ITPRIP: variants seen among roughly 807,000 people sequenced by gnomAD.
ITPRIP encodes inositol 1,4,5-trisphosphate receptor interacting protein.
Under a neutral mutation model 35.8 loss-of-function variants are expected in ITPRIP, and 32 were observed. The observed-to-expected ratio is 0.89, with a 90% CI of 0.68 to 1.20. The LOEUF is 1.20. ITPRIP is among the 50% of genes most tolerant of loss of function. The probability of loss-of-function intolerance (pLI) is 0.00; values close to 1 mark genes in which losing one functional copy is unlikely to be tolerated. For synonymous variants in ITPRIP, 358 were observed against 324.0 expected, an observed-to-expected ratio of 1.11 and a Z score of -1.13; for missense variants, 653 against 735.6, an observed-to-expected ratio of 0.89 and a Z score of 1.30.
intron 1 of ITPRIP, among the ~76,000 whole-genome samples, chr10:104,336,593 C>T (rs1014769636): frequency 1.7e-5 from 1 of 58,382 alleles, no homozygotes; most frequent in Non-Finnish European, 3.1e-5. Flanking sequence ...TAGCTCCAAC[C>T]AAGTGATCCC....
At chr10:104,325,796 T>C (rs111568186) in intron 1 of ITPRIP, among the ~76,000 whole-genome samples, 9 of 152,182 alleles carry the variant, frequency 5.9e-5, no homozygotes, top group African/African-American at 2.2e-4. Context: ...AAGAAGCGCT[T>C]GGTATTAGAG....
chr10:104,310,937 C>G lies in ITPRIP; in HGVS notation c.*3471G>C, dbSNP rs900767775. ...TCTGTGACACGGCCCAGGAAGCTGC[C>G]CCCAGGTGACACCCGTATGTGTAGT... On this transcript the variant is annotated 3_prime_UTR_variant, in exon 2 of 2. Coordinates refer to ENST00000337478, the MANE Select transcript of ITPRIP (RefSeq NM_001272013.2). The G allele has an allele frequency of 2.0e-5, 3 of 152,202 alleles. No individual in the cohort carries two copies. In the South Asian group the frequency reaches 6.2e-4, roughly 32 times the overall value. 9.4% of individuals were successfully genotyped at this position (152,202 alleles called of 1,614,324 possible).
In ITPRIP at chr10:104,314,441, A is replaced by C; in HGVS notation, c.1611T>G (p.His537Gln). ...APALISEYSL[H>Q]VPSDQPTPKS ...TTGGGGTAGGCTGGTCTGAGGGGAC[A>C]TGTAGGGAATACTCGCTAATGAGCG... The change falls in exon 2 of 2, where the codon CAT becomes CAG. Residue 537 changes from histidine (H) to glutamine (Q), a missense_variant. His to Gln is a conservative substitution (Grantham distance 24, BLOSUM62 0). Coordinates refer to ENST00000337478, the MANE Select transcript of ITPRIP (RefSeq NM_001272013.2). The C allele has an allele frequency of 6.2e-7, 1 of 1,613,682 alleles. No homozygotes were observed. The highest frequency in any genetic ancestry group is 8.5e-7 in the Non-Finnish European group (1 of 1,179,810).
In ITPRIP at chr10:104,313,743, A is replaced by C. The variant is rs1004525588; in HGVS notation, c.*665T>G. 1 of 985,370 alleles carries C rather than the reference A, an allele frequency of 1.0e-6. No individual in the cohort carries two copies. The highest frequency in any genetic ancestry group is 1.7e-5 in the African/African-American group (1 of 57,232). 61.0% of individuals were successfully genotyped at this position (985,370 alleles called of 1,614,324 possible). ...AGCTGAGTGAGAAGTGTAGCTGAAA[A>C]AGTGGCTAATTGTGTTTCTCTATGC... On this transcript the variant is annotated 3_prime_UTR_variant, in exon 2 of 2. Transcript: ENST00000337478.
intron 1 of ITPRIP, among the ~76,000 whole-genome samples, chr10:104,335,607 C>A (rs979607483): frequency 6.6e-6 from 1 of 152,222 alleles, no homozygotes; most frequent in Non-Finnish European, 1.5e-5. Context: ...TGCCTCTTTT[C>A]TTTCCTCCTC....
intron 1 of ITPRIP, 43 bp from the exon 2 acceptor site, chr10:104,316,107 T>TGCCACTTCG (rs2013679551): frequency 6.8e-7 from 1 of 1,466,032 alleles, no homozygotes; most frequent in South Asian, 1.3e-5. Flanking sequence ...CTTCCCTCAA[T>TGCCACTTCG]GCCACTTCGT....
rs183243385 is a variant in ITPRIP at position 104,314,260 on chromosome 10, C to A, written c.*148G>T. Reference sequence around the variant, plus strand: ...CCGTTGAAATTCTGTTTCCTCTGCACTGTAGGGCTTGGCTTCCTGGCAGGC... The same window carrying A: ...CCGTTGAAATTCTGTTTCCTCTGCAATGTAGGGCTTGGCTTCCTGGCAGGC... On this transcript the variant is annotated 3_prime_UTR_variant, in exon 2 of 2. Coordinates refer to ENST00000337478, the MANE Select transcript of ITPRIP (RefSeq NM_001272013.2). 3.4e-4 allele frequency: 502 copies of A among 1,485,444 alleles called. 3 individuals carry two copies. In the African/African-American group the frequency reaches 5.9e-3, roughly 18 times the overall value. The allele number at this position is 1,485,444 out of a possible 1,614,324, so 92.0% of individuals were successfully genotyped here.
At chr10:104,334,134 G>A (rs1233974227) in intron 1 of ITPRIP, among the ~76,000 whole-genome samples, 4 of 152,332 alleles carry the variant, frequency 2.6e-5, no homozygotes, top group East Asian at 1.9e-4. Context: ...CAGTCACACC[G>A]CCTTGGCTCT....
rs762207257 is a variant in ITPRIP, at chr10:104,315,251, C to T, written c.801G>A (p.Leu267=). 5 of 1,611,050 alleles carry T rather than the reference C, an allele frequency of 3.1e-6. No homozygotes were observed. Among genetic ancestry groups the T allele is most frequent in the East Asian group, 2.2e-5 (1 of 44,816 alleles). Residue 267 remains leucine, a synonymous_variant, in exon 2 of 2, where the codon CTG becomes CTA. Coordinates refer to ENST00000337478, the MANE Select transcript of ITPRIP (RefSeq NM_001272013.2). The surrounding 1 kb of genome is among the most constrained non-coding windows in gnomAD (Gnocchi z 5.7). The stretch of plus-strand genomic sequence containing the variant: ...TGCTGTTCCTGCCGTGCAGGAGACA[C>T]AGCATGTCTTCCCCGAGCTTGGTCT... The part of the protein sequence containing the change: ...CGKTKLGEDM[L]CLLHGRNSMA...
chr10:104,314,904 G>A lies in ITPRIP; in HGVS notation c.1148C>T (p.Ser383Phe), dbSNP rs769638882. Reference sequence around the variant, plus strand: ...GAAGTGTCGCTCATAGACAGCAAAGGACAGGAGCCAGTCTGTGCTGGAGGC... The same window carrying A: ...GAAGTGTCGCTCATAGACAGCAAAGAACAGGAGCCAGTCTGTGCTGGAGGC... ...TPASSTDWLL[S>F]FAVYERHFLR... Residue 383 changes from serine to phenylalanine, a missense_variant, in exon 2 of 2, where the codon TCC (serine) becomes TTC (phenylalanine). Coordinates refer to ENST00000337478, the MANE Select transcript of ITPRIP (RefSeq NM_001272013.2). 3.1e-6 allele frequency: 5 copies of A among 1,613,572 alleles called. No homozygotes were observed. The highest frequency in any genetic ancestry group is 4.2e-6 in the Non-Finnish European group (5 of 1,180,028).
rs927889680 is a variant in ITPRIP at position 104,310,712 on chromosome 10, C to G, written c.*3696G>C. On this transcript the variant is annotated 3_prime_UTR_variant, in exon 2 of 2. Transcript: ENST00000337478. ...CCTGCCATACAGTAGGTGCTTCCCA[C>G]CCTCACTCCATGCTTCTGGCTGGAA... The G allele has an allele frequency of 1.6e-4, 24 of 152,238 alleles. No homozygotes were observed. The highest frequency in any genetic ancestry group is 5.5e-4 in the African/African-American group (23 of 41,448). The allele number at this position is 152,238 out of a possible 1,614,324, so 9.4% of individuals were successfully genotyped here.
Position 104,313,181 on chromosome 10 carries a change from C to T in ITPRIP, c.*1227G>A. ...GCTAGGTTTCCATAGTTCTTGCTTC[C>T]ATGCACACCCTGCCCTAGGATTGGG... On this transcript the variant is annotated 3_prime_UTR_variant, in exon 2 of 2. Coordinates refer to ENST00000337478, the MANE Select transcript of ITPRIP (RefSeq NM_001272013.2). The T allele has an allele frequency of 6.1e-6, 6 of 985,582 alleles. No homozygotes were observed. The highest frequency in any genetic ancestry group is 7.2e-6 in the Non-Finnish European group (6 of 830,076). 61.1% of individuals were successfully genotyped at this position (985,582 alleles called of 1,614,324 possible).
At chr10:104,322,794 G>A (rs1310623931) in intron 1 of ITPRIP, among the ~76,000 whole-genome samples, 2 of 152,224 alleles carry the variant, frequency 1.3e-5, no homozygotes, top group Non-Finnish European at 2.9e-5. Flanking sequence ...TGGAATAAAG[G>A]ACTGGCTGAG....
chr10:104,325,160 C>T (rs532207893), intron 1 of ITPRIP, among the ~76,000 whole-genome samples: 2 of 152,300 alleles, frequency 1.3e-5, no homozygotes, highest in South Asian at 4.1e-4. Flanking sequence ...GCGGAGGTCA[C>T]AGTGAGCTGA....
Position 104,314,512 on chromosome 10 carries a change from G to A in ITPRIP, c.1540C>T (p.Arg514Cys), listed in dbSNP as rs767786445. The change falls in exon 2 of 2, where the codon CGT becomes TGT. Residue 514 changes from arginine to cysteine, a missense_variant. Physicochemically the swap from Arg to Cys is radical, Grantham distance 180. Coordinates refer to ENST00000337478, the MANE Select transcript of ITPRIP (RefSeq NM_001272013.2). ...TCATAGAAGGAGTCCAGTGTCTTAC[G>A]GTAAAGGCTTCGCTGCAGGACGAAG... Reference protein sequence around the residue: ...RPFVLQRSLYRKTLDSFYEML... With the variant: ...RPFVLQRSLYCKTLDSFYEML... The A allele has an allele frequency of 1.3e-5, 21 of 1,614,054 alleles. No individual in the cohort carries two copies. The East Asian group carries it at 1.3e-4, about 10-fold the overall frequency.
At chr10:104,320,238 T>A (rs1254562570) in intron 1 of ITPRIP, among the ~76,000 whole-genome samples, 11 of 152,272 alleles carry the variant, frequency 7.2e-5, no homozygotes, top group Non-Finnish European at 1.3e-4. Flanking sequence ...ACTAAGGGTC[T>A]GGCACCTTTT....
At position 104,338,412 on chromosome 10, in the gene ITPRIP, A is replaced by G. The variant is rs1257764596; in HGVS notation, c.-180T>C. The stretch of plus-strand genomic sequence containing the variant: ...GGCGGCGATGCCCCCGCTGGCTCCC[A>G]CCTTCTGGCCTGCAGCGGCCGGCTC... On this transcript the variant is annotated 5_prime_UTR_variant, in exon 1 of 2. Coordinates refer to ENST00000337478, the MANE Select transcript of ITPRIP (RefSeq NM_001272013.2). The G allele has an allele frequency of 2.0e-5, 3 of 151,878 alleles. No homozygotes were observed. 9.4% of individuals were successfully genotyped at this position (151,878 alleles called of 1,614,324 possible).
chr10:104,325,269 G>C (rs1361451025), intron 1 of ITPRIP, among the ~76,000 whole-genome samples: 1 of 151,818 alleles, frequency 6.6e-6, no homozygotes, highest in Non-Finnish European at 1.5e-5. Flanking sequence ...CCCAGAGCCT[G>C]TGGGCTCTGG....
In ITPRIP at chr10:104,312,851, C is replaced by T. The variant is rs1157352125; in HGVS notation, c.*1557G>A. ...GGTTATGCTCTCGGGAAGGCATGGCCGGCTTAAACCCTGGAGGAACACGGT... is the reference window on the plus strand; with the variant it reads ...GGTTATGCTCTCGGGAAGGCATGGCTGGCTTAAACCCTGGAGGAACACGGT... On this transcript the variant is annotated 3_prime_UTR_variant, in exon 2 of 2. Coordinates refer to ENST00000337478, the MANE Select transcript of ITPRIP (RefSeq NM_001272013.2). The T allele has an allele frequency of 7.1e-6, 7 of 985,212 alleles. No individual in the cohort carries two copies. Among genetic ancestry groups the T allele is most frequent in the Middle Eastern group, 5.2e-4 (1 of 1,936 alleles). The allele number at this position is 985,212 out of a possible 1,614,324, so 61.0% of individuals were successfully genotyped here.
Sources: allele counts gnomAD v4.1 joint callset (sites outside exome capture counted in the v4.1 genomes callset), GRCh38; gene constraint gnomAD v4.1.1; non-coding constraint Gnocchi (gnomAD v3.1); transcripts MANE v1.5; gene names NCBI Gene and HGNC (gene_info 2026-07-23, HGNC 2026-07-21).